Variants in RTN4RL1 observed in about 807,000 individuals in gnomAD.
RTN4RL1 encodes reticulon 4 receptor like 1, also known as reticulon-4 receptor-like 1.
RTN4RL1 carries 7 observed loss-of-function variants against 25.6 expected under a neutral mutation model. That is an observed-to-expected ratio of 0.27 (90% CI 0.16 to 0.51). RTN4RL1 has a LOEUF of 0.51. Among genes scored for constraint, RTN4RL1 ranks in the 20% least tolerant of loss-of-function variants. The pLI, the probability that RTN4RL1 is intolerant of heterozygous loss-of-function variation, is 0.97. For synonymous variants in RTN4RL1, 297 were observed against 288.2 expected, an observed-to-expected ratio of 1.03 and a Z score of -0.31; for missense variants, 500 against 615.6, an observed-to-expected ratio of 0.81 and a Z score of 1.99.
At chr17:1,951,316 T>C (rs1430930936) in intron 1 of RTN4RL1, among the ~76,000 whole-genome samples, 2 of 151,890 alleles carry the variant, frequency 1.3e-5, no homozygotes, top group East Asian at 1.9e-4. Flanking sequence ...CAAACAGGAT[T>C]GAGGCTTTTC....
intron 1 of RTN4RL1, among the ~76,000 whole-genome samples, chr17:1,971,202 T>C (rs2066817100): frequency 6.6e-6 from 1 of 152,178 alleles, no homozygotes; most frequent in Non-Finnish European, 1.5e-5. Context: ...GTGAGGGAGT[T>C]CTCATGAGAT....
chr17:1,975,039 G>A (rs931444052), intron 1 of RTN4RL1, among the ~76,000 whole-genome samples: 1 of 152,192 alleles, frequency 6.6e-6, no homozygotes, highest in Non-Finnish European at 1.5e-5. Context: ...GGCCCCCACT[G>A]CCCTGAGTGT....
rs547050397 is a variant in RTN4RL1, at chr17:1,940,087, C to T, written c.14-2279G>A. Among the ~76,000 whole-genome samples the T allele has an allele frequency of 5.9e-5, 9 of 152,344 alleles. No homozygotes were observed. In the South Asian group the frequency reaches 6.2e-4, roughly 11 times the overall value. On this transcript the variant is annotated intron_variant, in intron 1 of 1. Transcript: ENST00000331238. The stretch of plus-strand genomic sequence containing the variant: ...CCAGCAGGCCTCACCGCCACTGTCA[C>T]CCCCTCGTTCCTGGCAGAAACAGCC...
chr17:1,949,504 T>C (rs1915632142), intron 1 of RTN4RL1, among the ~76,000 whole-genome samples: 1 of 152,212 alleles, frequency 6.6e-6, no homozygotes, highest in Non-Finnish European at 1.5e-5. Context: ...CAGAACGCCC[T>C]GCCAGGGTCC....
chr17:1,954,646 C>G (rs1028736024), intron 1 of RTN4RL1, among the ~76,000 whole-genome samples: 12 of 152,142 alleles, frequency 7.9e-5, no homozygotes, highest in African/African-American at 1.4e-4. Flanking sequence ...CCTCGGCCTC[C>G]CAAAGTGCTG....
intron 1 of RTN4RL1, among the ~76,000 whole-genome samples, chr17:1,972,759 A>G (rs2066826067): frequency 6.6e-6 from 1 of 152,212 alleles, no homozygotes; most frequent in Admixed American, 6.5e-5. Flanking sequence ...CCAGACAGGC[A>G]CTGGCATCAA....
At chr17:1,987,696 T>C (rs1467806102) in intron 1 of RTN4RL1, among the ~76,000 whole-genome samples, 3 of 148,006 alleles carry the variant, frequency 2.0e-5, no homozygotes, top group African/African-American at 7.5e-5. Flanking sequence ...TTGCCTGCAC[T>C]GCAGATGTGT....
chr17:1,949,903 G>T (rs1915638640), intron 1 of RTN4RL1, among the ~76,000 whole-genome samples: 1 of 152,224 alleles, frequency 6.6e-6, no homozygotes, highest in Non-Finnish European at 1.5e-5. Context: ...AGATAAGAAG[G>T]AGCTGAGGAA....
intron 1 of RTN4RL1, among the ~76,000 whole-genome samples, chr17:1,995,384 C>G (rs1444667181): frequency 1.3e-5 from 2 of 151,036 alleles, no homozygotes; most frequent in African/African-American, 4.9e-5. Flanking sequence ...CGAGATTGCG[C>G]CATTGCACTA....
chr17:2,000,374 G>GTC (rs1296176950), intron 1 of RTN4RL1, among the ~76,000 whole-genome samples: 1 of 152,014 alleles, frequency 6.6e-6, no homozygotes, highest in Non-Finnish European at 1.5e-5. Flanking sequence ...TTAAGATGGA[G>GTC]TCTCTCTCTG....
chr17:1,961,064 T>A (rs768268904), intron 1 of RTN4RL1, among the ~76,000 whole-genome samples: 19 of 152,220 alleles, frequency 1.2e-4, no homozygotes, highest in Admixed American at 1.1e-3. Context: ...TCTTTCCCCT[T>A]GTCGCTCCCT....
At chr17:1,967,080 G>A (rs1411591640) in intron 1 of RTN4RL1, among the ~76,000 whole-genome samples, 1 of 151,490 alleles carries the variant, frequency 6.6e-6, no homozygotes, top group Non-Finnish European at 1.5e-5. Flanking sequence ...GCTAAAGTGG[G>A]CAGGGAGGTG....
At chr17:1,986,126 CAGA>C (rs1388832888) in intron 1 of RTN4RL1, among the ~76,000 whole-genome samples, 2 of 152,096 alleles carry the variant, frequency 1.3e-5, no homozygotes, top group African/African-American at 4.8e-5. Flanking sequence ...GAGCCATCTC[CAGA>C]AGGTCACAGG....
chr17:1,979,885 C>G (rs569403671), intron 1 of RTN4RL1, among the ~76,000 whole-genome samples: 1 of 152,104 alleles, frequency 6.6e-6, no homozygotes, highest in East Asian at 1.9e-4. Context: ...CCCGGAATTG[C>G]GTGGAGAAGG....
At chr17:1,974,931 C>T (rs527977880) in intron 1 of RTN4RL1, among the ~76,000 whole-genome samples, 80 of 152,316 alleles carry the variant, frequency 5.3e-4, no homozygotes, top group African/African-American at 1.9e-3. Context: ...TGGGAAGGAA[C>T]AAGCCTGCAC....
chr17:1,995,900 T>A (rs545648478), intron 1 of RTN4RL1, among the ~76,000 whole-genome samples: 2 of 152,300 alleles, frequency 1.3e-5, no homozygotes, highest in South Asian at 4.1e-4. Flanking sequence ...AGAGCCAGCG[T>A]CTCCCCTGTT....
rs144037096 is a variant in RTN4RL1 at position 1,994,237 on chromosome 17, G to C, written c.13+30616C>G. 0.01 allele frequency among the ~76,000 whole-genome samples: 1,528 copies of C among 152,134 alleles called. 26 individuals are homozygous for C. The highest frequency in any genetic ancestry group is 0.034 in the African/African-American group (1,419 of 41,488). Reference sequence around the variant, plus strand: ...GGGGGAAGTGATGGGCAAGAGCTGGGGAGGACAAAGCGGCTTTCACTCCAT... The same window carrying C: ...GGGGGAAGTGATGGGCAAGAGCTGGCGAGGACAAAGCGGCTTTCACTCCAT... On this transcript the variant is annotated intron_variant, in intron 1 of 1. Transcript: ENST00000331238. This position sits in a 1 kb window ranked among gnomAD's most constrained non-coding sequence, Gnocchi z 4.3.
At chr17:1,966,774 C>A (rs1441636645) in intron 1 of RTN4RL1, among the ~76,000 whole-genome samples, 1 of 152,148 alleles carries the variant, frequency 6.6e-6, no homozygotes, top group African/African-American at 2.4e-5. Flanking sequence ...GGGAATGGAG[C>A]CACTACTGGT....
intron 1 of RTN4RL1, among the ~76,000 whole-genome samples, chr17:1,981,311 G>T (rs1434143134): frequency 1.3e-5 from 2 of 152,164 alleles, no homozygotes; most frequent in Middle Eastern, 3.2e-3. Flanking sequence ...AGCTCTGGGG[G>T]TCAAGGCTGC....
Sources: gnomAD v4.1 joint callset for allele counts (sites outside exome capture counted in the v4.1 genomes callset) on GRCh38, gnomAD v4.1.1 for gene constraint, Gnocchi (gnomAD v3.1) non-coding constraint, MANE v1.5 for transcripts, NCBI Gene and HGNC (gene_info 2026-07-23, HGNC 2026-07-21) for gene names.